IRGQ: variants seen among roughly 807,000 people sequenced by gnomAD.
IRGQ encodes the protein immunity-related GTPase family Q protein.
A neutral mutation model predicts 10.5 loss-of-function variants in IRGQ; 5 were observed. The observed-to-expected ratio is 0.48, with a 90% CI of 0.25 to 1.00. The LOEUF (loss-of-function observed/expected upper bound fraction) is 1.00, where lower values mean the gene tolerates loss of function less well. Ranked by LOEUF, IRGQ falls within the 50% of genes least tolerant of loss-of-function variation. The probability of loss-of-function intolerance (pLI) is 0.16; values close to 1 mark genes in which losing one functional copy is unlikely to be tolerated. For synonymous variants in IRGQ, 418 were observed against 426.0 expected, an observed-to-expected ratio of 0.98 and a Z score of 0.23; for missense variants, 792 against 877.7, an observed-to-expected ratio of 0.90 and a Z score of 1.23.
Position 43,591,972 on chromosome 19 carries a change from T to C in IRGQ, c.*54A>G. The C allele has an allele frequency of 6.6e-7, 1 of 1,525,168 alleles. No homozygotes were observed. Among genetic ancestry groups the C allele is most frequent in the South Asian group, 1.3e-5 (1 of 78,960 alleles). 94.5% of individuals were successfully genotyped at this position (1,525,168 alleles called of 1,614,324 possible). ...CCACATCCCCTTCAAGCACCCAGGA[T>C]TAAGCCCAGGCATCCCCTGTCAGAG... On this transcript the variant is annotated 3_prime_UTR_variant, in exon 3 of 3. Transcript: ENST00000422989.
rs1412264575 is a variant in IRGQ, at chr19:43,592,460, C to T, written c.1438G>A (p.Gly480Arg). Residue 480 changes from glycine (G) to arginine (R), a missense_variant, in exon 3 of 3, where the codon GGG becomes AGG. Coordinates refer to ENST00000422989, the MANE Select transcript of IRGQ (RefSeq NM_001007561.3). The part of the protein sequence containing the change: ...ARTKAAALRA[G>R]AWRPALLASL... ...GCCAGCAGAGCTGGCCTCCACGCCC[C>T]GGCTCGCAACGCCGCAGCCTTGGTT... 5.7e-6 allele frequency: 9 copies of T among 1,585,548 alleles called. No homozygotes were observed. The highest frequency in any genetic ancestry group is 5.6e-5 in the South Asian group (5 of 89,730).
chr19:43,592,209 C>T lies in IRGQ; in HGVS notation c.1689G>A (p.Trp563Ter). Residue 563 changes from tryptophan to a stop codon, truncating the protein, a stop_gained, in exon 3 of 3, where the codon TGG becomes TGA. Coordinates refer to ENST00000422989, the MANE Select transcript of IRGQ (RefSeq NM_001007561.3). LOFTEE classifies it high-confidence loss of function. ...CGCCCCCAGCAGTGCCCTCGCCCGCCCAGGCGCCCAGTCTTGCTTCCACCT... is the reference window on the plus strand; with the variant it reads ...CGCCCCCAGCAGTGCCCTCGCCCGCTCAGGCGCCCAGTCTTGCTTCCACCT... The part of the protein sequence containing the change: ...RAEVEARLGA[W>*]AGEGTAGGAA... 1 of 1,590,910 alleles carries T rather than the reference C, an allele frequency of 6.3e-7. No homozygotes were observed. The highest frequency in any genetic ancestry group is 8.5e-7 in the Non-Finnish European group (1 of 1,174,762).
At position 43,595,189 on chromosome 19, in the gene IRGQ, TC is replaced by T; in HGVS notation, c.149del (p.Arg50LysfsTer12). 1 of 1,611,826 alleles carries T rather than the reference TC, an allele frequency of 6.2e-7. No individual in the cohort carries two copies. The highest frequency in any genetic ancestry group is 8.5e-7 in the Non-Finnish European group (1 of 1,179,476). ...CCAGAAAAAGGCCTGGGCCCGCAGC[TC>T]TTAGGCTGGGAACCCCGGAGTCCGG... Reference protein sequence around the residue: ...GRPDSGVPSLRAAGPGLFLGE... With the variant: ...GRPDSGVPSLXAAGPGLFLGE... On this transcript the variant is annotated frameshift_variant, in exon 2 of 3. Transcript: ENST00000422989. LOFTEE classifies it high-confidence loss of function.
chr19:43,589,297 G>C lies in IRGQ; in HGVS notation c.*2729C>G, dbSNP rs1286377356. The stretch of plus-strand genomic sequence containing the variant: ...CAATCTAAATTCCAATCCTAGTTCT[G>C]ACACTGACCAATGAAATAAACATTT... On this transcript the variant is annotated 3_prime_UTR_variant, in exon 3 of 3. Coordinates refer to ENST00000422989, the MANE Select transcript of IRGQ (RefSeq NM_001007561.3). The C allele has an allele frequency of 6.6e-6, 1 of 152,072 alleles. No homozygotes were observed. Among genetic ancestry groups the C allele is most frequent in the Non-Finnish European group, 1.5e-5 (1 of 68,022 alleles). The allele number at this position is 152,072 out of a possible 1,614,324, so 9.4% of individuals were successfully genotyped here.
At position 43,591,736 on chromosome 19, in the gene IRGQ, T is replaced by C. The variant is rs563182494; in HGVS notation, c.*290A>G. 3.5e-6 allele frequency: 1 copy of C among 283,200 alleles called. No individual in the cohort carries two copies. Among genetic ancestry groups the C allele is most frequent in the African/African-American group, 2.2e-5 (1 of 45,692 alleles). The allele number at this position is 283,200 out of a possible 1,614,324, so 17.5% of individuals were successfully genotyped here. On this transcript the variant is annotated 3_prime_UTR_variant, in exon 3 of 3. Transcript: ENST00000422989. ...GGTGGCAGGCACCTGTAATCCCAGCTACTCCGGACGCTGAGGCAGGAGAAT... is the reference window on the plus strand; with the variant it reads ...GGTGGCAGGCACCTGTAATCCCAGCCACTCCGGACGCTGAGGCAGGAGAAT...
intron 1 of IRGQ, among the ~76,000 whole-genome samples, 193 bp downstream of exon 1, chr19:43,595,789 G>A (rs529002447): frequency 6.6e-6 from 1 of 152,306 alleles, no homozygotes; most frequent in Admixed American, 6.5e-5. Flanking sequence ...GCGGCGGGAG[G>A]ATCGCTTGAG....
rs1972981730 is a variant in IRGQ, at chr19:43,585,302, A to AT, written c.*6723_*6724insA. On this transcript the variant is annotated 3_prime_UTR_variant, in exon 3 of 3. Transcript: ENST00000422989. ...TGCCCAGGCTGGAGTGCAGCGGCGC[A>AT]GTCTCAGCTCACTACAACCTCCGCC... The AT allele has an allele frequency of 6.6e-6, 1 of 151,814 alleles. No individual in the cohort carries two copies. Among genetic ancestry groups the AT allele is most frequent in the Non-Finnish European group, 1.5e-5 (1 of 68,112 alleles). The allele number at this position is 151,814 out of a possible 1,614,324, so 9.4% of individuals were successfully genotyped here.
At position 43,586,892 on chromosome 19, in the gene IRGQ, G is replaced by A. The variant is rs1973000561; in HGVS notation, c.*5134C>T. On this transcript the variant is annotated 3_prime_UTR_variant, in exon 3 of 3. Transcript: ENST00000422989. The stretch of plus-strand genomic sequence containing the variant: ...GAAGGACTATCTGCCCCTAGAGCTA[G>A]ACTGATAGAATTTTCTATGTTGATG... 6.6e-6 allele frequency: 1 copy of A among 152,220 alleles called. No homozygotes were observed. The highest frequency in any genetic ancestry group is 6.5e-5 in the Admixed American group (1 of 15,286). The allele number at this position is 152,220 out of a possible 1,614,324, so 9.4% of individuals were successfully genotyped here.
In IRGQ at chr19:43,591,775, G is replaced by T; in HGVS notation, c.*251C>A. ...AGGCAGGAGAATCGCTTGAACCCGGGAGGCGGAGGTTGCAGTGAGCCGAGG... is the reference window on the plus strand; with the variant it reads ...AGGCAGGAGAATCGCTTGAACCCGGTAGGCGGAGGTTGCAGTGAGCCGAGG... On this transcript the variant is annotated 3_prime_UTR_variant, in exon 3 of 3. Transcript: ENST00000422989. The T allele has an allele frequency of 2.8e-6, 1 of 357,732 alleles. No homozygotes were observed. Among genetic ancestry groups the T allele is most frequent in the East Asian group, 4.3e-5 (1 of 23,052 alleles). 22.2% of individuals were successfully genotyped at this position (357,732 alleles called of 1,614,324 possible). A position where few individuals can be genotyped will look rare whatever the true frequency, so the allele number is the denominator to read the frequency against.
chr19:43,594,695 T>C (rs754492231), intron 2 of IRGQ, 114 bp downstream of exon 2: 14 of 767,256 alleles, frequency 1.8e-5, no homozygotes, highest in Admixed American at 5.7e-5. Flanking sequence ...ATAATAATAA[T>C]AGAGCTAAGC....
chr19:43,592,313 G>T lies in IRGQ; in HGVS notation c.1585C>A (p.Arg529=). 1.3e-6 allele frequency: 2 copies of T among 1,568,756 alleles called. No individual in the cohort carries two copies. The highest frequency in any genetic ancestry group is 1.8e-5 in the Admixed American group (1 of 56,154). The change falls in exon 3 of 3, where the codon CGA becomes AGA. Residue 529 remains arginine, a synonymous_variant. Coordinates refer to ENST00000422989, the MANE Select transcript of IRGQ (RefSeq NM_001007561.3). ...GLGLEPTALA[R]RERALGLASG... ...GCCAGGCCCAGGGCACGCTCACGTC[G>T]AGCCAGTGCCGTGGGTTCCAGCCCC... is the stretch of plus-strand genomic sequence containing the variant.
Position 43,593,191 on chromosome 19 carries a change from C to A in IRGQ, c.707G>T (p.Gly236Val), listed in dbSNP as rs149921319. ...TCCAAGCAGCATGTCCACCACAAGG[C>A]CCACGTCAGCCTTGCCAGCCACGGC... ...DLAVAGKADVGLVVDMLLGLD... is the reference protein window; with the variant it reads ...DLAVAGKADVVLVVDMLLGLD... The change falls in exon 3 of 3, where the codon GGC becomes GTC. Residue 236 changes from glycine (G) to valine (V), a missense_variant. Physicochemically the swap from Gly to Val is moderately radical, Grantham distance 109. Transcript: ENST00000422989. This position sits in a 1 kb window ranked among gnomAD's most constrained non-coding sequence, Gnocchi z 6.4. 3.2e-6 allele frequency: 5 copies of A among 1,566,964 alleles called. No individual in the cohort carries two copies. The highest frequency in any genetic ancestry group is 4.3e-6 in the Non-Finnish European group (5 of 1,154,160).
chr19:43,586,922 T>A lies in IRGQ; in HGVS notation c.*5104A>T, dbSNP rs551757203. 2.0e-5 allele frequency: 3 copies of A among 152,358 alleles called. No homozygotes were observed. The highest frequency in any genetic ancestry group is 6.5e-5 in the Admixed American group (1 of 15,302). 9.4% of individuals were successfully genotyped at this position (152,358 alleles called of 1,614,324 possible). A position where few individuals can be genotyped will look rare whatever the true frequency, so the allele number is the denominator to read the frequency against. ...ATAGAATTTTCTATGTTGATGGAAGTATTCTGTACCTTCCCTGTCCAATAC... is the reference window on the plus strand; with the variant it reads ...ATAGAATTTTCTATGTTGATGGAAGAATTCTGTACCTTCCCTGTCCAATAC... On this transcript the variant is annotated 3_prime_UTR_variant, in exon 3 of 3. Coordinates refer to ENST00000422989, the MANE Select transcript of IRGQ (RefSeq NM_001007561.3).
At position 43,594,878 on chromosome 19, in the gene IRGQ, C is replaced by T; in HGVS notation, c.461G>A (p.Ser154Asn). Residue 154 changes from serine (S) to asparagine (N), a missense_variant, in exon 2 of 3, where the codon AGC (serine) becomes AAC (asparagine). Ser to Asn is a conservative substitution (Grantham distance 46). Coordinates refer to ENST00000422989, the MANE Select transcript of IRGQ (RefSeq NM_001007561.3). ...CTCTAGCTCCTCGCAGCCGTCGCTG[C>T]TGCCGCAGTTCGCCGGTAGCACAAA... ...DLFVLPANCG[S>N]SDGCEELERL... 1 of 1,613,782 alleles carries T rather than the reference C, an allele frequency of 6.2e-7. No homozygotes were observed. Among genetic ancestry groups the T allele is most frequent in the African/African-American group, 1.3e-5 (1 of 75,058 alleles).
At position 43,595,358 on chromosome 19, in the gene IRGQ, G is replaced by A. The variant is rs776364906; in HGVS notation, c.-2-18C>T. 1.3e-6 allele frequency: 2 copies of A among 1,522,236 alleles called. No individual in the cohort carries two copies. The highest frequency in any genetic ancestry group is 1.8e-6 in the Non-Finnish European group (2 of 1,140,950). The allele number at this position is 1,522,236 out of a possible 1,614,324, so 94.3% of individuals were successfully genotyped here. A position where few individuals can be genotyped will look rare whatever the true frequency, so the allele number is the denominator to read the frequency against. On this transcript the variant is annotated intron_variant, in intron 1 of 2. Coordinates refer to ENST00000422989, the MANE Select transcript of IRGQ (RefSeq NM_001007561.3). ...AGGCATGGCTGGAAAGCAACGGGTA[G>A]AGAAGACCTGGGTCAGGGAGCACCT...
In IRGQ at chr19:43,592,188, C is replaced by G. The variant is rs759939550; in HGVS notation, c.1710G>C (p.Gly570=). The stretch of plus-strand genomic sequence containing the variant: ...AGGAGAGAGCCCCCAGTGCTGCGCC[C>G]CCAGCAGTGCCCTCGCCCGCCCAGG... ...LGAWAGEGTA[G]GAALGALSFL... The change falls in exon 3 of 3, where the codon GGG becomes GGC. Residue 570 remains glycine (G), a synonymous_variant. Transcript: ENST00000422989. The G allele has an allele frequency of 3.1e-6, 5 of 1,600,048 alleles. No homozygotes were observed. The highest frequency in any genetic ancestry group is 1.7e-4 in the Middle Eastern group (1 of 6,052).
chr19:43,591,634 G>A lies in IRGQ; in HGVS notation c.*392C>T, dbSNP rs1973055445. On this transcript the variant is annotated 3_prime_UTR_variant, in exon 3 of 3. Transcript: ENST00000422989. ...AGGCCGGAGCGGGTCGATCGCCTGA[G>A]GTCAGGAGTTCGAGGCCAGCCTGGC... is the stretch of plus-strand genomic sequence containing the variant. 1.2e-5 allele frequency: 2 copies of A among 162,834 alleles called. No homozygotes were observed. The highest frequency in any genetic ancestry group is 2.7e-5 in the Non-Finnish European group (2 of 75,118). 10.1% of individuals were successfully genotyped at this position (162,834 alleles called of 1,614,324 possible). A position where few individuals can be genotyped will look rare whatever the true frequency, so the allele number is the denominator to read the frequency against.
At position 43,593,266 on chromosome 19, in the gene IRGQ, G is replaced by C. The variant is rs1301489392; in HGVS notation, c.632C>G (p.Ser211Trp). The C allele has an allele frequency of 1.3e-6, 2 of 1,597,706 alleles. No homozygotes were observed. The highest frequency in any genetic ancestry group is 3.5e-5 in the Admixed American group (2 of 57,346). The change falls in exon 3 of 3, where the codon TCG becomes TGG. Residue 211 changes from serine (S) to tryptophan (W), a missense_variant. Coordinates refer to ENST00000422989, the MANE Select transcript of IRGQ (RefSeq NM_001007561.3). This position sits in a 1 kb window ranked among gnomAD's most constrained non-coding sequence, Gnocchi z 6.4. ...GCGCTCCAGGCCTGAGCGCACCCAC[G>C]ACAGCGCAGCCTCAAGGCCGCCGGT... Reference protein sequence around the residue: ...FETGGLEAALSWVRSGLERLG... With the variant: ...FETGGLEAALWWVRSGLERLG...
intron 1 of IRGQ, 88 bp from the exon 2 acceptor site, chr19:43,595,428 G>A: frequency 7.9e-7 from 1 of 1,268,212 alleles, no homozygotes; most frequent in Non-Finnish European, 1.1e-6. Context: ...CCAGGCCTCA[G>A]TCCTTCACCC....
Sources: gnomAD v4.1 joint callset for allele counts (sites outside exome capture counted in the v4.1 genomes callset) on GRCh38, gnomAD v4.1.1 for gene constraint, Gnocchi (gnomAD v3.1) non-coding constraint, MANE v1.5 for transcripts, NCBI Gene and HGNC (gene_info 2026-07-23, HGNC 2026-07-21) for gene names.